ICE2: variants seen among roughly 807,000 people sequenced by gnomAD.
ICE2 encodes the protein interactor of little elongation complex ELL subunit 2.
A neutral mutation model predicts 105.4 loss-of-function variants in ICE2; 87 were observed. That is an observed-to-expected ratio of 0.83 (90% CI 0.69 to 0.99). ICE2 has a LOEUF of 0.99. Among genes scored for constraint, ICE2 ranks in the 50% least tolerant of loss-of-function variants. The probability of loss-of-function intolerance (pLI) is 0.00; values close to 1 mark genes in which losing one functional copy is unlikely to be tolerated. For synonymous variants in ICE2, 399 were observed against 392.0 expected, an observed-to-expected ratio of 1.02 and a Z score of -0.21; for missense variants, 1,323 against 1,146.7, an observed-to-expected ratio of 1.15 and a Z score of -2.22.
intron 5 of ICE2, among the ~76,000 whole-genome samples, chr15:60,462,846 A>C (rs778822954): frequency 2.0e-5 from 3 of 152,172 alleles, no homozygotes; most frequent in South Asian, 2.1e-4. Context: ...CCACTTTGGA[A>C]AACCATTTGC....
chr15:60,477,308 TAAAC>T (rs2064789547), intron 2 of ICE2, among the ~76,000 whole-genome samples: 1 of 152,150 alleles, frequency 6.6e-6, no homozygotes, highest in African/African-American at 2.4e-5. Context: ...TTGTTAGCAA[TAAAC>T]AAATACTCAA....
In ICE2 at chr15:60,464,417, G is replaced by A. The variant is rs137977455; in HGVS notation, c.528+2177C>T. 1.7e-3 allele frequency among the ~76,000 whole-genome samples: 254 copies of A among 152,140 alleles called. 3 individuals carry two copies. Among genetic ancestry groups the A allele is most frequent in the African/African-American group, 5.7e-3 (235 of 41,524 alleles). The stretch of plus-strand genomic sequence containing the variant: ...AGGACAATAAGCAAAAATAAAATGT[G>A]GTAAAGGGAAAAGTGAGGGTCATAC... On this transcript the variant is annotated intron_variant, in intron 5 of 15. Transcript: ENST00000261520.
At position 60,423,731 on chromosome 15, in the gene ICE2, T is replaced by C. The variant is rs1595729439; in HGVS notation, c.2852A>G (p.His951Arg). Residue 951 changes from histidine (H) to arginine (R), a missense_variant, in exon 16 of 16, where the codon CAC becomes CGC. By Grantham distance (29) the His-to-Arg change is conservative. Transcript: ENST00000261520. Reference protein sequence around the residue: ...IGGTRMPTRSHRNPVSMETKS... With the variant: ...IGGTRMPTRSRRNPVSMETKS... The stretch of plus-strand genomic sequence containing the variant: ...GGTTTCCATGGAAACTGGATTCCTG[T>C]GGCTGCGTGTAGGCATTCTCGTTCC... 6 of 1,601,706 alleles carry C rather than the reference T, an allele frequency of 3.7e-6. No homozygotes were observed. The East Asian group carries it at 1.3e-4, about 36-fold the overall frequency.
chr15:60,429,834 G>C (rs558729795), intron 14 of ICE2, among the ~76,000 whole-genome samples: 1 of 152,144 alleles, frequency 6.6e-6, no homozygotes, highest in African/African-American at 2.4e-5. Context: ...CAAAGATTGA[G>C]TTTTAATCAA....
Position 60,436,147 on chromosome 15 carries a change from G to C in ICE2, c.2506C>G (p.Leu836Val). The change falls in exon 13 of 16, where the codon CTC becomes GTC. Residue 836 changes from leucine to valine, a missense_variant. Leu to Val is a conservative substitution (Grantham distance 32, BLOSUM62 1). Transcript: ENST00000261520. ...SEELKEKLSA[L>V]KISNLFNILQ... ...CCACAAAGTAAACTTTCTTACTTGA[G>C]TGCTGAAAGCTTTTCTTTTAATTCT... The C allele has an allele frequency of 7.2e-7, 1 of 1,387,122 alleles. No homozygotes were observed. 85.9% of individuals were successfully genotyped at this position (1,387,122 alleles called of 1,614,324 possible).
intron 11 of ICE2, among the ~76,000 whole-genome samples, chr15:60,445,131 A>T (rs977403479): frequency 1.3e-5 from 2 of 152,240 alleles, no homozygotes; most frequent in Admixed American, 6.5e-5. Flanking sequence ...TGAAGAACTG[A>T]GGAAAAATAA....
intron 12 of ICE2, chr15:60,440,817 A>C (rs1196235618): frequency 6.6e-6 from 1 of 152,158 alleles, no homozygotes; most frequent in African/African-American, 2.4e-5. Context: ...AAAATCCCAC[A>C]ACCATACAAT....
At position 60,449,177 on chromosome 15, in the gene ICE2, G is replaced by A. The variant is rs1180222035; in HGVS notation, c.1790C>T (p.Ser597Phe). 3.7e-6 allele frequency: 6 copies of A among 1,613,970 alleles called. No homozygotes were observed. Among genetic ancestry groups the A allele is most frequent in the Non-Finnish European group, 5.1e-6 (6 of 1,179,960 alleles). The change falls in exon 10 of 16, where the codon TCT becomes TTT. Residue 597 changes from serine (S) to phenylalanine (F), a missense_variant. Transcript: ENST00000261520. ...NSDGKTAVVG[S>F]NLSSRPASPN... ...ACTAGCTGGTCTGGAACTTAAGTTA[G>A]AACCCACAACAGCTGTCTTTCCATC...
Position 60,423,695 on chromosome 15 carries a change from C to T in ICE2, c.2888G>A (p.Cys963Tyr), listed in dbSNP as rs150527283. 6.2e-7 allele frequency: 1 copy of T among 1,607,768 alleles called. No individual in the cohort carries two copies. Among genetic ancestry groups the T allele is most frequent in the Non-Finnish European group, 8.5e-7 (1 of 1,178,548 alleles). ...AGTTTCAACTTGCTGAGCAGGCAAG[C>T]AACTGCTTTTGGTTTCCATGGAAAC... ...NPVSMETKSS[C>Y]LPAQQVETEG... The change falls in exon 16 of 16, where the codon TGC becomes TAC. Residue 963 changes from cysteine to tyrosine, a missense_variant. By Grantham distance (194) the Cys-to-Tyr change is radical. Transcript: ENST00000261520.
intron 8 of ICE2, 134 bp from the exon 9 acceptor site, chr15:60,453,918 C>A: frequency 1.5e-6 from 1 of 688,642 alleles, no homozygotes; most frequent in South Asian, 1.9e-5. Flanking sequence ...CATATATTTG[C>A]TACCCTTAGA....
In ICE2 at chr15:60,479,050, C is replaced by T. The variant is rs1288746869; in HGVS notation, c.-140G>A. 2.2e-6 allele frequency: 1 copy of T among 455,836 alleles called. No homozygotes were observed. The allele number at this position is 455,836 out of a possible 1,614,324, so 28.2% of individuals were successfully genotyped here. A position where few individuals can be genotyped will look rare whatever the true frequency, so the allele number is the denominator to read the frequency against. On this transcript the variant is annotated 5_prime_UTR_variant, in exon 1 of 16. The change creates a new upstream start codon in the 5' untranslated region. Coordinates refer to ENST00000261520, the MANE Select transcript of ICE2 (RefSeq NM_024611.6). ...GCCCAGGCCGCAGCCACACACCACACACGCTCCACCCCACTCCTCACATTG... is the reference window on the plus strand; with the variant it reads ...GCCCAGGCCGCAGCCACACACCACATACGCTCCACCCCACTCCTCACATTG...
chr15:60,433,662 T>C (rs2063514048), intron 13 of ICE2, among the ~76,000 whole-genome samples: 1 of 151,954 alleles, frequency 6.6e-6, no homozygotes, highest in Non-Finnish European at 1.5e-5. Flanking sequence ...GACTAATTTT[T>C]GTATTTTTAG....
At chr15:60,442,884 C>T in intron 11 of ICE2, 1 of 165,384 alleles carries the variant, frequency 6.0e-6, no homozygotes, top group Non-Finnish European at 1.3e-5. Context: ...TACATAGTTG[C>T]CCAAAGGCTC....
intron 15 of ICE2, among the ~76,000 whole-genome samples, chr15:60,426,043 C>G (rs181091467): frequency 6.6e-6 from 1 of 152,106 alleles, no homozygotes; most frequent in Non-Finnish European, 1.5e-5. Flanking sequence ...TGGATAATCT[C>G]GTTAAGTATT....
intron 9 of ICE2, chr15:60,452,120 C>T (rs1159712118): frequency 2.0e-6 from 2 of 984,894 alleles, no homozygotes; most frequent in East Asian, 2.3e-4. Flanking sequence ...CTGACATTCA[C>T]CTCAATATAA....
intron 5 of ICE2, among the ~76,000 whole-genome samples, chr15:60,462,349 T>C (rs1230527124): frequency 6.6e-6 from 1 of 152,132 alleles, no homozygotes; most frequent in Non-Finnish European, 1.5e-5. Context: ...TTATAAAACA[T>C]GGTGATGATA....
chr15:60,432,375 A>T (rs543563922), intron 13 of ICE2, among the ~76,000 whole-genome samples: 2 of 151,490 alleles, frequency 1.3e-5, no homozygotes, highest in Non-Finnish European at 2.9e-5. Context: ...TTTTTGGTAG[A>T]GACAGGGTTT....
At position 60,466,815 on chromosome 15, in the gene ICE2, A is replaced by G. The variant is rs980113403; in HGVS notation, c.409-102T>C. On this transcript the variant is annotated intron_variant, in intron 4 of 15. Coordinates refer to ENST00000261520, the MANE Select transcript of ICE2 (RefSeq NM_024611.6). ...AATAATTTGGACTTAAAGAATAATT[A>G]AAGTATCAAATCCAAAGCAGAAATC... The G allele has an allele frequency of 3.0e-5, 28 of 932,396 alleles. No individual in the cohort carries two copies. The African/African-American group carries it at 4.0e-4, about 13-fold the overall frequency. 57.8% of individuals were successfully genotyped at this position (932,396 alleles called of 1,614,324 possible). A position where few individuals can be genotyped will look rare whatever the true frequency, so the allele number is the denominator to read the frequency against.
At chr15:60,472,917 T>C (rs2064644885) in intron 3 of ICE2, among the ~76,000 whole-genome samples, 1 of 152,092 alleles carries the variant, frequency 6.6e-6, no homozygotes, top group Admixed American at 6.6e-5. Flanking sequence ...AAAGTTCAAA[T>C]AAGTTGTTTT....
Sources: allele counts gnomAD v4.1 joint callset (sites outside exome capture counted in the v4.1 genomes callset), GRCh38; gene constraint gnomAD v4.1.1; transcripts MANE v1.5; gene names NCBI Gene and HGNC (gene_info 2026-07-23, HGNC 2026-07-21).